The following PRKDC variants were observed in gnomAD, a reference collection of about 807,000 sequenced individuals.
The protein encoded by PRKDC is DNA-dependent protein kinase catalytic subunit.
A neutral mutation model predicts 486.9 loss-of-function variants in PRKDC; 82 were observed. The ratio of observed to expected loss-of-function variants is 0.17; its 90% CI spans 0.14 to 0.20. The LOEUF (loss-of-function observed/expected upper bound fraction) is 0.20. PRKDC is among the 10% of genes least tolerant of loss of function. The probability of loss-of-function intolerance (pLI) is 1.00; values close to 1 mark genes in which losing one functional copy is unlikely to be tolerated. For missense variants in PRKDC, 4,504 were observed against 5,038.2 expected, an observed-to-expected ratio of 0.89 and a Z score of 3.21; for synonymous variants, 1,895 against 1,837.0, an observed-to-expected ratio of 1.03 and a Z score of -0.81.
At chr8:47,910,376 TTTTC>T (rs2089875508) in intron 25 of PRKDC, among the ~76,000 whole-genome samples, 2 of 152,166 alleles carry the variant, frequency 1.3e-5, no homozygotes, top group South Asian at 4.1e-4. Flanking sequence ...ATGAATAACT[TTTTC>T]TTTAACATGT....
chr8:47,888,698 A>G, intron 33 of PRKDC, 48 bp from the exon 34 acceptor site: 2 of 1,505,672 alleles, frequency 1.3e-6, no homozygotes, highest in Non-Finnish European at 1.8e-6. Flanking sequence ...GATCTCGTTA[A>G]ATTATCAAGA....
rs751302919 is a variant in PRKDC at position 47,854,070 on chromosome 8, A to G, written c.6893+13T>C. The G allele has an allele frequency of 1.2e-5, 20 of 1,613,328 alleles. No homozygotes were observed. Among genetic ancestry groups the G allele is most frequent in the Non-Finnish European group, 1.7e-5 (20 of 1,179,632 alleles). On this transcript the variant is annotated intron_variant, in intron 51 of 85. Transcript: ENST00000314191. ...GTAGACGTGACCTAAAAAATAATCAAGCAAACACGTACTCGCTACTCTGGA... is the reference window on the plus strand; with the variant it reads ...GTAGACGTGACCTAAAAAATAATCAGGCAAACACGTACTCGCTACTCTGGA...
At chr8:47,844,233 G>A (rs1293080952) in intron 54 of PRKDC, among the ~76,000 whole-genome samples, 2 of 152,320 alleles carry the variant, frequency 1.3e-5, no homozygotes, top group South Asian at 2.1e-4. Context: ...ATGAAAAAGT[G>A]CAGCAGTCAC....
chr8:47,803,637 G>A (rs146532118), intron 69 of PRKDC, among the ~76,000 whole-genome samples, 157 bp from the exon 70 acceptor site: 141 of 152,250 alleles, frequency 9.3e-4, no homozygotes, highest in African/African-American at 3.3e-3. Context: ...TTATCACTGG[G>A]ATATAATTCA....
At chr8:47,774,766 CT>C (rs200183641) in intron 85 of PRKDC, among the ~76,000 whole-genome samples, 3 of 150,932 alleles carry the variant, frequency 2.0e-5, no homozygotes, top group Non-Finnish European at 3.0e-5. Flanking sequence ...TGTTAGATTC[CT>C]TTTTTTTTAA....
intron 32 of PRKDC, 133 bp from the exon 33 acceptor site, chr8:47,889,355 G>A: frequency 2.8e-6 from 2 of 708,800 alleles, no homozygotes; most frequent in East Asian, 5.4e-5. Flanking sequence ...TAAAACGGGG[G>A]CACAGTAAAC....
chr8:47,862,253 A>T (rs2088695120), intron 43 of PRKDC, 120 bp downstream of exon 43: 1 of 1,347,802 alleles, frequency 7.4e-7, no homozygotes, highest in Non-Finnish European at 1.0e-6. Flanking sequence ...ATACCTATGC[A>T]GAATTAAACG....
At chr8:47,921,030 G>A (rs2090061648) in intron 21 of PRKDC, among the ~76,000 whole-genome samples, 3 of 152,072 alleles carry the variant, frequency 2.0e-5, no homozygotes, top group Admixed American at 6.6e-5. Context: ...GAGGGGGGCG[G>A]ATCACGAGGT....
intron 25 of PRKDC, among the ~76,000 whole-genome samples, chr8:47,907,409 T>TAC (rs1302961168): frequency 4.7e-5 from 7 of 148,742 alleles, no homozygotes; most frequent in African/African-American, 1.8e-4. Context: ...TATATATATA[T>TAC]ATACACACAC....
intron 56 of PRKDC, among the ~76,000 whole-genome samples, chr8:47,838,479 C>T (rs773777246): frequency 6.6e-6 from 1 of 151,708 alleles, no homozygotes; most frequent in Non-Finnish European, 1.5e-5. Context: ...AGCCTGTTGG[C>T]GTTATGCCTG....
intron 44 of PRKDC, among the ~76,000 whole-genome samples, chr8:47,861,522 G>A (rs1388340782): frequency 2.6e-5 from 4 of 152,188 alleles, no homozygotes; most frequent in Non-Finnish European, 5.9e-5. Flanking sequence ...GCAGCTGTGT[G>A]GGGAAAGTGC....
intron 49 of PRKDC, among the ~76,000 whole-genome samples, chr8:47,855,653 C>T (rs1174509765): frequency 1.3e-5 from 2 of 152,238 alleles, no homozygotes; most frequent in African/African-American, 4.8e-5. Flanking sequence ...AGCCTCCATG[C>T]CTAGGACTCT....
intron 60 of PRKDC, among the ~76,000 whole-genome samples, chr8:47,831,448 C>T (rs989508459): frequency 1.3e-5 from 2 of 152,210 alleles, no homozygotes; most frequent in Non-Finnish European, 2.9e-5. Flanking sequence ...CTCCTGGCCA[C>T]CTGTCCTCGG....
chr8:47,817,495 G>A lies in PRKDC; in HGVS notation c.9512C>T (p.Ala3171Val), dbSNP rs764737909. ...CCAGATGTTCATTGGGTCCATTTTA[G>A]CATCTGGATATCTGTTTGTCCAGGT... The part of the protein sequence containing the change: ...LNTWTNRYPD[A>V]KMDPMNIWDD... Residue 3171 changes from alanine to valine, a missense_variant, in exon 68 of 86, where the codon GCT becomes GTT. Ala to Val is a moderately conservative substitution (Grantham distance 64). Transcript: ENST00000314191. The A allele has an allele frequency of 3.1e-6, 5 of 1,608,002 alleles. No homozygotes were observed. In the South Asian group the frequency reaches 5.6e-5, roughly 18 times the overall value.
intron 85 of PRKDC, among the ~76,000 whole-genome samples, chr8:47,775,008 C>T (rs1316842545): frequency 2.0e-5 from 3 of 151,678 alleles, no homozygotes; most frequent in African/African-American, 4.8e-5. Flanking sequence ...GCCAACATGG[C>T]GAAACCCCAT....
chr8:47,929,922 G>T lies in PRKDC; in HGVS notation c.1983C>A (p.Pro661=). 7.5e-6 allele frequency: 12 copies of T among 1,608,726 alleles called. No homozygotes were observed. Among genetic ancestry groups the T allele is most frequent in the Non-Finnish European group, 9.3e-6 (11 of 1,178,120 alleles). ...YELILQSTRL[P]LISGFYKLLS... ...GCAATTTGTAGAAACCACTGATGAG[G>T]GGCAACCTTGTAGATTGCAAAATTA... The change falls in exon 18 of 86, where the codon CCC becomes CCA. Residue 661 remains proline, a synonymous_variant. Transcript: ENST00000314191.
chr8:47,821,924 G>A (rs773026415), intron 64 of PRKDC, 132 bp from the exon 65 acceptor site: 1 of 883,844 alleles, frequency 1.1e-6, no homozygotes, highest in African/African-American at 1.7e-5. Context: ...AGAGAGAAAA[G>A]AGAAGCTATT....
intron 7 of PRKDC, among the ~76,000 whole-genome samples, chr8:47,947,813 C>A (rs977533509): frequency 6.6e-6 from 1 of 152,050 alleles, no homozygotes; most frequent in Non-Finnish European, 1.5e-5. Context: ...GAGGCTCAGG[C>A]ACAAGAATCA....
chr8:47,900,335 G>A lies in PRKDC; in HGVS notation c.3364+38C>T, dbSNP rs755101617. 3.6e-5 allele frequency: 54 copies of A among 1,492,398 alleles called. 1 individual carries two copies. In the South Asian group the frequency reaches 5.4e-4, roughly 15 times the overall value. 92.4% of individuals were successfully genotyped at this position (1,492,398 alleles called of 1,614,324 possible). On this transcript the variant is annotated intron_variant, in intron 28 of 85. Transcript: ENST00000314191. Reference sequence around the variant, plus strand: ...AACTCCTCATTGGGGAAACTCTTCAGACCTGTAACGCACACAGAACACTGA... The same window carrying A: ...AACTCCTCATTGGGGAAACTCTTCAAACCTGTAACGCACACAGAACACTGA...
Sources: allele counts gnomAD v4.1 joint callset (sites outside exome capture counted in the v4.1 genomes callset), GRCh38; gene constraint gnomAD v4.1.1; transcripts MANE v1.5; gene names NCBI Gene and HGNC (gene_info 2026-07-23, HGNC 2026-07-21).